The following KRT10 variants were observed in gnomAD, a reference collection of about 807,000 sequenced individuals.
KRT10 encodes the protein keratin, type I cytoskeletal 10.
In KRT10, 40 loss-of-function variants were observed where a neutral mutation model predicts 59.2. The observed-to-expected ratio is 0.68, with a 90% confidence interval of 0.52 to 0.88. KRT10 has a LOEUF of 0.88. Among genes scored for constraint, KRT10 ranks in the 40% least tolerant of loss-of-function variants. The pLI is 0.00. For missense variants in KRT10, 719 were observed against 749.1 expected (o/e 0.96, Z 0.47); for synonymous variants, 336 against 310.7 (o/e 1.08, Z -0.86).
rs1348483667 is a variant in KRT10 at position 40,818,978 on chromosome 17, G to A, written c.1557C>T (p.Ser519=). ...SGGGYGGGSS[S]GGHGGSSSGG... is the part of the protein sequence containing the mutation. ...CGCTGGAACTGCCGCCGTGGCCGCC[G>A]CTGGAGCTTCCGCCCCCGTAGCCGC... The change falls in exon 7 of 8, where the codon AGC becomes AGT. Residue 519 remains serine (S), a synonymous_variant. Coordinates refer to ENST00000269576, the MANE Select transcript of KRT10 (RefSeq NM_000421.5). 2.6e-5 allele frequency: 36 copies of A among 1,396,528 alleles called. No homozygotes were observed. The highest frequency in any genetic ancestry group is 3.0e-5 in the Non-Finnish European group (32 of 1,073,962). 86.5% of individuals were successfully genotyped at this position (1,396,528 alleles called of 1,614,324 possible).
Position 40,819,594 on chromosome 17 carries a change from G to C in KRT10, c.1296C>G (p.Tyr432Ter). 1 of 1,614,164 alleles carries C rather than the reference G, an allele frequency of 6.2e-7. No individual in the cohort carries two copies. The highest frequency in any genetic ancestry group is 8.5e-7 in the Non-Finnish European group (1 of 1,180,010). Residue 432 changes from tyrosine (Y) to a stop codon, truncating the protein, a stop_gained, in exon 6 of 8, where the codon TAC (tyrosine) becomes TAG (stop). Coordinates refer to ENST00000269576, the MANE Select transcript of KRT10 (RefSeq NM_000421.5). LOFTEE classifies it high-confidence loss of function. ...RAETECQNTE[Y>*]QQLLDIKIRL... is the part of the protein sequence containing the mutation. ...GGATCTTAATATCCAGGAGTTGTTG[G>C]TATTCAGTATTCTGGCACTCGGTTT...
Position 40,818,775 on chromosome 17 carries a change from G to C in KRT10, c.1748+12C>G, listed in dbSNP as rs778175365. 6.3e-7 allele frequency: 1 copy of C among 1,575,434 alleles called. No homozygotes were observed. Among genetic ancestry groups the C allele is most frequent in the Non-Finnish European group, 8.6e-7 (1 of 1,168,758 alleles). ...AAACTAATTCTGATTACCCCAGCTA[G>C]TTTCTGCTGACCTTGGTCCCTTAGA... On this transcript the variant is annotated intron_variant, in intron 7 of 7. Transcript: ENST00000269576.
chr17:40,819,036 C>G lies in KRT10; in HGVS notation c.1499G>C (p.Gly500Ala), dbSNP rs1905206894. Reference protein sequence around the residue: ...GHGGSSGGGYGGGSSGGGSSG... With the variant: ...GHGGSSGGGYAGGSSGGGSSG... ...GCTTCCGCCGCCGGAGCTTCCGCCTCCGTAGCCGCCGCCGGAACTGCCGCC... is the reference window on the plus strand; with the variant it reads ...GCTTCCGCCGCCGGAGCTTCCGCCTGCGTAGCCGCCGCCGGAACTGCCGCC... Residue 500 changes from glycine to alanine, a missense_variant, in exon 7 of 8, where the codon GGA becomes GCA. Around this residue, in one of 4 missense-constraint regions of KRT10, gnomAD observed 315 missense variants for 270.6 expected, o/e 1.16. Transcript: ENST00000269576. The G allele has an allele frequency of 2.9e-6, 4 of 1,370,882 alleles. No homozygotes were observed. Among genetic ancestry groups the G allele is most frequent in the Non-Finnish European group, 3.8e-6 (4 of 1,053,808 alleles). The allele number at this position is 1,370,882 out of a possible 1,614,324, so 84.9% of individuals were successfully genotyped here. A position where few individuals can be genotyped will look rare whatever the true frequency, so the allele number is the denominator to read the frequency against.
intron 6 of KRT10, 142 bp from the exon 7 acceptor site, chr17:40,819,303 T>A (rs1905234166): frequency 6.7e-7 from 1 of 1,491,604 alleles, no homozygotes; most frequent in Admixed American, 2.0e-5. Flanking sequence ...AACCCATCCT[T>A]TGAAAACAAT....
intron 1 of KRT10, 40 bp from the exon 2 acceptor site, chr17:40,821,157 G>A (rs926979520): frequency 7.0e-7 from 1 of 1,423,768 alleles, no homozygotes; most frequent in African/African-American, 1.4e-5. Flanking sequence ...GAGGTCAGAT[G>A]CAGATATGGC....
At chr17:40,818,516 T>A (rs1228431066) in intron 7 of KRT10, 34 bp from the exon 8 acceptor site, 1 of 1,379,336 alleles carries the variant, frequency 7.2e-7, no homozygotes, top group Non-Finnish European at 1.0e-6. Context: ...TTTTAAACAG[T>A]CTGTAGGGAT....
chr17:40,819,111 C>CCGCCGGAGCTTCCGT lies in KRT10; in HGVS notation c.1423_1424insACGGAAGCTCCGGCG (p.Gly474_Gly475insAspGlySerSerGly). On this transcript the variant is annotated inframe_insertion, in exon 7 of 8. Transcript: ENST00000269576. Reference sequence around the variant, plus strand: ...GGAGCTTCCGCCGCCGGAGCTTCCGCCGCCGTAGCCGCCGCCGAAACTTCC... The same window carrying CCGCCGGAGCTTCCGT: ...GGAGCTTCCGCCGCCGGAGCTTCCGCCGCCGGAGCTTCCGTCGCCGTAGCCGCCGCCGAAACTTCC... The CCGCCGGAGCTTCCGT allele has an allele frequency of 6.7e-7, 1 of 1,492,988 alleles. No individual in the cohort carries two copies. The highest frequency in any genetic ancestry group is 2.8e-5 in the East Asian group (1 of 35,244). The allele number at this position is 1,492,988 out of a possible 1,614,324, so 92.5% of individuals were successfully genotyped here. A position where few individuals can be genotyped will look rare whatever the true frequency, so the allele number is the denominator to read the frequency against.
chr17:40,822,541 G>T lies in KRT10; in HGVS notation c.45C>A (p.Arg15=). Residue 15 remains arginine (R), a synonymous_variant, in exon 1 of 8, where the codon CGC becomes CGA. Transcript: ENST00000269576. ...CTCCTCCTCCTCCTCCTCCTCCACT[G>T]CGGGAGGAAGAGTAGTGCTTGCTTG... ...YSSSKHYSSS[R]SGGGGGGGGC... is the part of the protein sequence containing the mutation. 6.2e-7 allele frequency: 1 copy of T among 1,607,262 alleles called. No individual in the cohort carries two copies.
rs1597817709 is a variant in KRT10, at chr17:40,819,067, C to CGCCGCCGGAACT, written c.1467_1468insAGTTCCGGCGGC (p.Gly489_Gly490insSerSerGlyGly). The CGCCGCCGGAACT allele has an allele frequency of 1.8e-5, 13 of 707,992 alleles. No individual in the cohort carries two copies. The highest frequency in any genetic ancestry group is 4.8e-5 in the Admixed American group (1 of 20,630). 43.9% of individuals were successfully genotyped at this position (707,992 alleles called of 1,614,324 possible). Reference sequence around the variant, plus strand: ...CCGCCGCCGGAACTGCCGCCGTGGCCGCCGCCGTGGCCGCCGCCGGAGCTT... The same window carrying CGCCGCCGGAACT: ...CCGCCGCCGGAACTGCCGCCGTGGCCGCCGCCGGAACTGCCGCCGTGGCCGCCGCCGGAGCTT... On this transcript the variant is annotated inframe_insertion, in exon 7 of 8. Coordinates refer to ENST00000269576, the MANE Select transcript of KRT10 (RefSeq NM_000421.5).
chr17:40,819,191 C>T lies in KRT10; in HGVS notation c.1374-30G>A, dbSNP rs758930648. The T allele has an allele frequency of 4.4e-6, 7 of 1,595,210 alleles. No individual in the cohort carries two copies. The African/African-American group carries it at 8.0e-5, about 18-fold the overall frequency. On this transcript the variant is annotated intron_variant, in intron 6 of 7. Coordinates refer to ENST00000269576, the MANE Select transcript of KRT10 (RefSeq NM_000421.5). ...ACGGGGTGAGGTCACATTCGGTTATCTCTAACGTTGGAAAACGGTGGGTAG... is the reference window on the plus strand; with the variant it reads ...ACGGGGTGAGGTCACATTCGGTTATTTCTAACGTTGGAAAACGGTGGGTAG...
Position 40,818,360 on chromosome 17 carries a change from T to C in KRT10, c.*116A>G, listed in dbSNP as rs1132367. ...AATGGTCTGTGTGAAGGGAGACTCT[T>C]TCCTCTTGATGCAGTTTAATAGTAG... On this transcript the variant is annotated 3_prime_UTR_variant, in exon 8 of 8. Coordinates refer to ENST00000269576, the MANE Select transcript of KRT10 (RefSeq NM_000421.5). 0.18 allele frequency: 257,406 copies of C among 1,421,420 alleles called. 25,121 individuals are homozygous for C. Among genetic ancestry groups the C allele is most frequent in the Middle Eastern group, 0.22 (1,281 of 5,732 alleles). 88.1% of individuals were successfully genotyped at this position (1,421,420 alleles called of 1,614,324 possible). A position where few individuals can be genotyped will look rare whatever the true frequency, so the allele number is the denominator to read the frequency against.
Position 40,818,426 on chromosome 17 carries a change from TA to T in KRT10, c.*49del, listed in dbSNP as rs748913729. On this transcript the variant is annotated 3_prime_UTR_variant, in exon 8 of 8. Coordinates refer to ENST00000269576, the MANE Select transcript of KRT10 (RefSeq NM_000421.5). ...GATTCAACCATAGATGAAAGAACTC[TA>T]CCGTCGGGCGCCACCTCTTCAATAA... The T allele has an allele frequency of 6.2e-7, 1 of 1,613,142 alleles. No individual in the cohort carries two copies. Among genetic ancestry groups the T allele is most frequent in the Admixed American group, 1.7e-5 (1 of 59,992 alleles).
Position 40,820,180 on chromosome 17 carries a change from G to A in KRT10, c.1030-6C>T. ...TCTGTAGTCAGTTCCTTGCTCTAGA[G>A]TATTAAAAACAAGGAAAAGGGTGAG... On this transcript the variant is annotated splice_region_variant and splice_polypyrimidine_tract_variant and intron_variant, in intron 4 of 7. Coordinates refer to ENST00000269576, the MANE Select transcript of KRT10 (RefSeq NM_000421.5). 1 of 1,613,954 alleles carries A rather than the reference G, an allele frequency of 6.2e-7. No homozygotes were observed.
In KRT10 at chr17:40,822,069, C is replaced by T; in HGVS notation, c.517G>A (p.Glu173Lys). Reference protein sequence around the residue: ...KVRALEESNYELEGKIKEWYE... With the variant: ...KVRALEESNYKLEGKIKEWYE... ...CACTCCTTGATTTTGCCTTCCAGCTCATAGTTTGATTCTTCCAGAGCCCGA... is the reference window on the plus strand; with the variant it reads ...CACTCCTTGATTTTGCCTTCCAGCTTATAGTTTGATTCTTCCAGAGCCCGA... Residue 173 changes from glutamate to lysine, a missense_variant, in exon 1 of 8, where the codon GAG becomes AAG. Coordinates refer to ENST00000269576, the MANE Select transcript of KRT10 (RefSeq NM_000421.5). 6.2e-7 allele frequency: 1 copy of T among 1,614,152 alleles called. No individual in the cohort carries two copies. Among genetic ancestry groups the T allele is most frequent in the Non-Finnish European group, 8.5e-7 (1 of 1,180,038 alleles).
chr17:40,818,459 T>G lies in KRT10; in HGVS notation c.*17A>C. Reference sequence around the variant, plus strand: ...GGCGCCACCTCTTCAATAATTGTCTTGATTACTCTGGTTTTGTTAGTATCT... The same window carrying G: ...GGCGCCACCTCTTCAATAATTGTCTGGATTACTCTGGTTTTGTTAGTATCT... On this transcript the variant is annotated 3_prime_UTR_variant, in exon 8 of 8. Transcript: ENST00000269576. 1 of 1,613,052 alleles carries G rather than the reference T, an allele frequency of 6.2e-7. No homozygotes were observed. The highest frequency in any genetic ancestry group is 8.5e-7 in the Non-Finnish European group (1 of 1,179,066).
rs771360650 is a variant in KRT10 at position 40,818,847 on chromosome 17, C to T, written c.1688G>A (p.Ser563Asn). The T allele has an allele frequency of 7.7e-6, 9 of 1,165,318 alleles. No individual in the cohort carries two copies. The highest frequency in any genetic ancestry group is 9.1e-6 in the Non-Finnish European group (8 of 881,716). 72.2% of individuals were successfully genotyped at this position (1,165,318 alleles called of 1,614,324 possible). ...GGAAGAGGAGGACTTGTGGCCTCCG[C>T]TGGAGCTGCCGCCGCCGTATCCGCC... The part of the protein sequence containing the change: ...SGGGYGGGSS[S>N]GGHKSSSSGS... The change falls in exon 7 of 8, where the codon AGC (serine) becomes AAC (asparagine). Residue 563 changes from serine to asparagine, a missense_variant. Physicochemically the swap from Ser to Asn is conservative, Grantham distance 46. This residue lies in a region of KRT10 where 315 missense variants were observed against 270.6 expected (regional missense o/e 1.16). Coordinates refer to ENST00000269576, the MANE Select transcript of KRT10 (RefSeq NM_000421.5).
chr17:40,819,790 C>T (rs1432944903), intron 5 of KRT10, 56 bp from the exon 6 acceptor site: 5 of 1,423,048 alleles, frequency 3.5e-6, no homozygotes, highest in Admixed American at 1.7e-5. Context: ...AGTATGGTGA[C>T]GCTTATTTGA....
rs1388308882 is a variant in KRT10 at position 40,822,253 on chromosome 17, G to A, written c.333C>T (p.Ser111=). The change falls in exon 1 of 8, where the codon AGC becomes AGT. Residue 111 remains serine, a synonymous_variant. Transcript: ENST00000269576. ...IFGGGSFGGG[S]FGGGSFGGGG... is the part of the protein sequence containing the mutation. ...CTCCACCAAAGCTGCCCCCACCAAAGCTGCCACCTCCGAAACTGCCCCCTC... is the reference window on the plus strand; with the variant it reads ...CTCCACCAAAGCTGCCCCCACCAAAACTGCCACCTCCGAAACTGCCCCCTC... 7 of 1,603,536 alleles carry A rather than the reference G, an allele frequency of 4.4e-6. No homozygotes were observed. Among genetic ancestry groups the A allele is most frequent in the Middle Eastern group, 1.7e-4 (1 of 6,024 alleles).
rs140096582 is a variant in KRT10 at position 40,819,645 on chromosome 17, T to C, written c.1245A>G (p.Glu415=). 1.9e-6 allele frequency: 3 copies of C among 1,614,088 alleles called. No homozygotes were observed. The highest frequency in any genetic ancestry group is 2.5e-6 in the Non-Finnish European group (3 of 1,180,030). The change falls in exon 6 of 8, where the codon GAA becomes GAG. Residue 415 remains glutamate (E), a synonymous_variant. Transcript: ENST00000269576. ...CAGCTCGAATCTGTTGCAACTGTTC[T>C]TCCAGAGCGGATATCTGGGCCTGAA... The part of the protein sequence containing the change: ...SQIQAQISAL[E]EQLQQIRAET...
Sources: allele counts gnomAD v4.1 joint callset, GRCh38; gene constraint gnomAD v4.1.1; regional missense constraint gnomAD v4.1.1; transcripts MANE v1.5; gene names NCBI Gene and HGNC (gene_info 2026-07-23, HGNC 2026-07-21).